PTBP3: variants seen among roughly 807,000 people sequenced by gnomAD.
The protein encoded by PTBP3 is polypyrimidine tract-binding protein 3.
Under a neutral mutation model 58.7 loss-of-function variants are expected in PTBP3, and 20 were observed. The observed-to-expected ratio is 0.34, with a 90% confidence interval of 0.24 to 0.50. The LOEUF is 0.50. Among genes scored for constraint, PTBP3 ranks in the 20% least tolerant of loss-of-function variants. The pLI is 0.98. For missense variants in PTBP3, 509 were observed against 637.2 expected (o/e 0.80, Z 2.17); for synonymous variants, 185 against 219.8 (o/e 0.84, Z 1.40).
At chr9:112,283,376 G>A (rs1332334601) in intron 2 of PTBP3, among the ~76,000 whole-genome samples, 1 of 152,188 alleles carries the variant, frequency 6.6e-6, no homozygotes, top group Non-Finnish European at 1.5e-5. Flanking sequence ...TGAAGTCCAG[G>A]CTGAGGTAGT....
chr9:112,278,929 T>C (rs1351646138), intron 2 of PTBP3, among the ~76,000 whole-genome samples: 1 of 152,230 alleles, frequency 6.6e-6, no homozygotes, highest in Non-Finnish European at 1.5e-5. Context: ...GAAATTATGT[T>C]CTATTTTTTC....
chr9:112,367,729 T>A, the PTBP3 span, among the ~76,000 whole-genome samples: 3 of 152,164 alleles, frequency 2.0e-5, no homozygotes, highest in African/African-American at 7.2e-5. Flanking sequence ...ATTCTTTCTA[T>A]CTTTGACTTT....
intron 7 of PTBP3, 35 bp from the exon 8 acceptor site, chr9:112,234,932 C>G: frequency 6.6e-7 from 1 of 1,522,028 alleles, no homozygotes; most frequent in Non-Finnish European, 9.1e-7. Flanking sequence ...AAACACACTA[C>G]CTTCTATAAA....
intron 2 of PTBP3, among the ~76,000 whole-genome samples, chr9:112,297,522 A>C (rs1174429430): frequency 6.6e-6 from 1 of 152,134 alleles, no homozygotes; most frequent in African/African-American, 2.4e-5. Context: ...CAAGTTTTAG[A>C]TCTAGCTCTT....
At chr9:112,244,382 T>C (rs1036991385) in intron 7 of PTBP3, among the ~76,000 whole-genome samples, 4 of 149,754 alleles carry the variant, frequency 2.7e-5, no homozygotes, top group South Asian at 2.1e-4. Context: ...CTGAGAGACA[T>C]GAACAAACAT....
intron 2 of PTBP3, among the ~76,000 whole-genome samples, chr9:112,283,803 C>T (rs976148699): frequency 6.6e-6 from 1 of 152,230 alleles, no homozygotes; most frequent in Non-Finnish European, 1.5e-5. Flanking sequence ...CTGGCCTGGG[C>T]CCTGCTGCTC....
At chr9:112,323,507 G>A (rs955751376) in intron 1 of PTBP3, among the ~76,000 whole-genome samples, 2 of 152,122 alleles carry the variant, frequency 1.3e-5, no homozygotes, top group African/African-American at 2.4e-5. Flanking sequence ...CAATATGACG[G>A]TCAATATGTC....
At chr9:112,276,207 G>C (rs1827603725) in intron 2 of PTBP3, among the ~76,000 whole-genome samples, 194 bp from the exon 3 acceptor site, 1 of 152,154 alleles carries the variant, frequency 6.6e-6, no homozygotes, top group African/African-American at 2.4e-5. Context: ...AGGTGCTTTT[G>C]GTTTTTCACT....
intron 2 of PTBP3, among the ~76,000 whole-genome samples, chr9:112,297,327 C>T (rs1828732658): frequency 6.6e-6 from 1 of 152,312 alleles, no homozygotes; most frequent in South Asian, 2.1e-4. Context: ...GCCTCAGCCT[C>T]CCAAGTAGCT....
At chr9:112,360,737 C>T in the PTBP3 span, among the ~76,000 whole-genome samples, 1 of 152,030 alleles carries the variant, frequency 6.6e-6, no homozygotes, top group Non-Finnish European at 1.5e-5. Context: ...AGGTTACGAT[C>T]CATTAATGAG....
At chr9:112,339,290 C>CAAAAAAAAAAAAAAAAAAAAA in the PTBP3 span, among the ~76,000 whole-genome samples, 1 of 71,714 alleles carries the variant, frequency 1.4e-5, no homozygotes, top group Non-Finnish European at 2.6e-5. Context: ...GACTCTGTCT[C>CAAAAAAAAAAAAAAAAAAAAA]AAAAAAAAAA....
chr9:112,231,673 G>T (rs1835205863), intron 9 of PTBP3, among the ~76,000 whole-genome samples: 1 of 151,928 alleles, frequency 6.6e-6, no homozygotes, highest in Non-Finnish European at 1.5e-5. Context: ...GGAGGCTGAG[G>T]TGTGTGTCGC....
At chr9:112,225,145 A>T (rs954015040) in intron 12 of PTBP3, among the ~76,000 whole-genome samples, 15 of 152,222 alleles carry the variant, frequency 9.9e-5, no homozygotes, top group African/African-American at 3.6e-4. Flanking sequence ...ATAGTGGTCT[A>T]TCACGTGACA....
chr9:112,224,048 C>CA, intron 13 of PTBP3, 65 bp from the exon 14 acceptor site: 1 of 1,560,980 alleles, frequency 6.4e-7, no homozygotes, highest in East Asian at 2.2e-5. Context: ...CTCCTTCCTC[C>CA]ACCAGAAGAC....
intron 2 of PTBP3, chr9:112,280,904 G>C (rs1340459803): frequency 6.6e-6 from 1 of 152,006 alleles, no homozygotes; most frequent in South Asian, 2.1e-4. Context: ...AATAATGAAA[G>C]AATTATTTCC....
intron 7 of PTBP3, among the ~76,000 whole-genome samples, chr9:112,241,547 C>T (rs1211115463): frequency 6.6e-6 from 1 of 152,092 alleles, no homozygotes; most frequent in East Asian, 1.9e-4. Context: ...TTTAGATACA[C>T]AAATACTTAC....
chr9:112,298,185 A>C (rs1828774453), intron 1 of PTBP3, among the ~76,000 whole-genome samples: 1 of 152,188 alleles, frequency 6.6e-6, no homozygotes. Context: ...AAAACATAAC[A>C]TCTGAAAGTG....
chr9:112,331,420 C>T (rs1026825393), intron 1 of PTBP3, among the ~76,000 whole-genome samples: 12 of 152,118 alleles, frequency 7.9e-5, no homozygotes, highest in South Asian at 6.2e-4. Context: ...AAGAAAGCTA[C>T]GAATACATTC....
At chr9:112,262,843 TA>T (rs1333740561) in intron 4 of PTBP3, among the ~76,000 whole-genome samples, 1 of 152,176 alleles carries the variant, frequency 6.6e-6, no homozygotes, top group African/African-American at 2.4e-5. Context: ...AACACATGGA[TA>T]AAAGGAGAAA....
Sources: allele counts gnomAD v4.1 joint callset (sites outside exome capture counted in the v4.1 genomes callset), GRCh38; gene constraint gnomAD v4.1.1; transcripts MANE v1.5; gene names NCBI Gene and HGNC (gene_info 2026-07-23, HGNC 2026-07-21).